Variants in SMAD7 observed in about 807,000 individuals in gnomAD.
The protein encoded by SMAD7 is MAD (mothers against decapentaplegic, Drosophila) homolog 7.
Under a neutral mutation model 38.7 loss-of-function variants are expected in SMAD7, and 8 were observed. The observed-to-expected ratio is 0.21, with a 90% CI of 0.12 to 0.37. SMAD7 has a LOEUF of 0.37. SMAD7 is among the 10% of genes least tolerant of loss of function. The pLI is 1.00. For synonymous variants in SMAD7, 327 were observed against 265.1 expected (o/e 1.23, Z -2.27); for missense variants, 477 against 577.9 (o/e 0.83, Z 1.79).
intron 2 of SMAD7, among the ~76,000 whole-genome samples, chr18:48,945,324 T>TGGTGACGGGCAC (rs1351477161): frequency 6.6e-6 from 1 of 152,112 alleles, no homozygotes; most frequent in Non-Finnish European, 1.5e-5. Context: ...TAGCTGGGCA[T>TGGTGACGGGCAC]GGTGACGGGC....
intron 3 of SMAD7, among the ~76,000 whole-genome samples, chr18:48,925,440 C>CCG (rs1568298116): frequency 6.6e-6 from 1 of 150,460 alleles, no homozygotes; most frequent in Non-Finnish European, 1.5e-5. Flanking sequence ...TTGCCCCCCC[C>CCG]CAACCTTCCC....
At position 48,950,425 on chromosome 18, in the gene SMAD7, GC is replaced by G; in HGVS notation, c.-2del. 6.5e-7 allele frequency: 1 copy of G among 1,548,204 alleles called. No individual in the cohort carries two copies. The highest frequency in any genetic ancestry group is 8.7e-7 in the Non-Finnish European group (1 of 1,149,382). On this transcript the variant is annotated 5_prime_UTR_variant, in exon 1 of 4. Coordinates refer to ENST00000262158, the MANE Select transcript of SMAD7 (RefSeq NM_005904.4). ...GCGCAGATCGTTTGGTCCTGAACAT[GC>G]GGGGCGAGGAGGCGAGGAGAAAAGT...
intron 3 of SMAD7, among the ~76,000 whole-genome samples, chr18:48,928,123 T>C (rs2143768749): frequency 6.6e-6 from 1 of 152,290 alleles, no homozygotes; most frequent in Middle Eastern, 3.4e-3. Context: ...GATACGGCTT[T>C]TTTGCCAGCA....
In SMAD7 at chr18:48,950,397, C is replaced by T; in HGVS notation, c.28G>A (p.Val10Ile). 5 of 1,548,504 alleles carry T rather than the reference C, an allele frequency of 3.2e-6. No homozygotes were observed. The highest frequency in any genetic ancestry group is 4.4e-6 in the Non-Finnish European group (5 of 1,148,584). Residue 10 changes from valine (V) to isoleucine (I), a missense_variant, in exon 1 of 4, where the codon GTC becomes ATC. Physicochemically the swap from Val to Ile is conservative, Grantham distance 29. This residue lies in a region of SMAD7 where 376 missense variants were observed against 379.4 expected (regional missense o/e 0.99). Transcript: ENST00000262158. ...GCACGGCTCCTCCAGAGACGCCGGA[C>T]GAGCGCAGATCGTTTGGTCCTGAAC... MFRTKRSAL[V>I]RRLWRSRAPG...
At chr18:48,946,515 A>G (rs571258976) in intron 2 of SMAD7, among the ~76,000 whole-genome samples, 5 of 152,050 alleles carry the variant, frequency 3.3e-5, no homozygotes, top group Non-Finnish European at 7.4e-5. Context: ...TCTATTACTG[A>G]TGCTAAATTC....
chr18:48,940,188 G>C (rs140053304), intron 3 of SMAD7, among the ~76,000 whole-genome samples: 2 of 152,130 alleles, frequency 1.3e-5, no homozygotes, highest in East Asian at 3.9e-4. Context: ...AACTCTGAAC[G>C]GAAAGAAGAA....
chr18:48,940,526 G>A (rs977898961), intron 3 of SMAD7, among the ~76,000 whole-genome samples: 1 of 151,958 alleles, frequency 6.6e-6, no homozygotes, highest in African/African-American at 2.4e-5. Flanking sequence ...AAGGGTGGGT[G>A]GATCATCCGA....
At chr18:48,924,913 A>G (rs530747569) in intron 3 of SMAD7, among the ~76,000 whole-genome samples, 1 of 152,350 alleles carries the variant, frequency 6.6e-6, no homozygotes, top group East Asian at 1.9e-4. Context: ...CATTGCCACT[A>G]CAGAGATTCC....
At chr18:48,927,640 A>G (rs563601402) in intron 3 of SMAD7, among the ~76,000 whole-genome samples, 69 of 152,278 alleles carry the variant, frequency 4.5e-4, no homozygotes, top group Middle Eastern at 3.4e-3. Flanking sequence ...ATTTGATGCA[A>G]AAGTGATTGG....
chr18:48,945,502 C>A (rs866837545), intron 2 of SMAD7, among the ~76,000 whole-genome samples: 6 of 152,138 alleles, frequency 3.9e-5, no homozygotes, highest in Non-Finnish European at 4.4e-5. Flanking sequence ...CCTCAAATTT[C>A]TAGGTAGGCA....
chr18:48,950,151 G>T lies in SMAD7; in HGVS notation c.274C>A (p.Leu92Met). The T allele has an allele frequency of 6.7e-7, 1 of 1,493,556 alleles. No individual in the cohort carries two copies. Among genetic ancestry groups the T allele is most frequent in the Non-Finnish European group, 8.9e-7 (1 of 1,126,312 alleles). The allele number at this position is 1,493,556 out of a possible 1,614,324, so 92.5% of individuals were successfully genotyped here. A position where few individuals can be genotyped will look rare whatever the true frequency, so the allele number is the denominator to read the frequency against. The change falls in exon 1 of 4, where the codon CTG becomes ATG. Residue 92 changes from leucine to methionine, a missense_variant. By Grantham distance (15) the Leu-to-Met change is conservative. This residue lies in a region of SMAD7 where 376 missense variants were observed against 379.4 expected (regional missense o/e 0.99). Coordinates refer to ENST00000262158, the MANE Select transcript of SMAD7 (RefSeq NM_005904.4). Reference protein sequence around the residue: ...AGAAGGAEADLKALTHSVLKK... With the variant: ...AGAAGGAEADMKALTHSVLKK... ...AGCACCGAGTGCGTGAGCGCCTTCA[G>T]ATCCGCCTCGGCGCCCCCGGCCGCG...
At chr18:48,941,858 C>A (rs917579480) in intron 3 of SMAD7, among the ~76,000 whole-genome samples, 4 of 152,146 alleles carry the variant, frequency 2.6e-5, no homozygotes, top group African/African-American at 9.7e-5. Flanking sequence ...GCATTCCAGG[C>A]CTTCACGCAT....
chr18:48,924,626 CTGCTG>C (rs2069903799), intron 3 of SMAD7, among the ~76,000 whole-genome samples: 2 of 152,172 alleles, frequency 1.3e-5, no homozygotes, highest in Admixed American at 1.3e-4. Flanking sequence ...GTCGTGAATG[CTGCTG>C]TGTGTGAACA....
At chr18:48,922,487 AG>A (rs2069873900) in intron 3 of SMAD7, among the ~76,000 whole-genome samples, 1 of 145,922 alleles carries the variant, frequency 6.9e-6, no homozygotes. Context: ...CTCTCAAATC[AG>A]TGCCGTGGTC....
intron 3 of SMAD7, among the ~76,000 whole-genome samples, chr18:48,926,848 G>C (rs1477176124): frequency 2.0e-5 from 3 of 152,194 alleles, no homozygotes; most frequent in Non-Finnish European, 4.4e-5. Context: ...GAAATTGGCT[G>C]TTCTGATATC....
intron 3 of SMAD7, among the ~76,000 whole-genome samples, chr18:48,935,237 G>T (rs2070050983): frequency 6.6e-6 from 1 of 152,196 alleles, no homozygotes; most frequent in South Asian, 2.1e-4. Flanking sequence ...TCAGGTGAGT[G>T]TTGCTTTCTT....
chr18:48,924,706 G>C (rs147694726), intron 3 of SMAD7, among the ~76,000 whole-genome samples: 15 of 152,144 alleles, frequency 9.9e-5, no homozygotes, highest in Non-Finnish European at 1.9e-4. Context: ...CTCCTCCCTC[G>C]CTGTCCCCTC....
At chr18:48,932,438 T>C (rs1002575730) in intron 3 of SMAD7, among the ~76,000 whole-genome samples, 1 of 152,202 alleles carries the variant, frequency 6.6e-6, no homozygotes, top group South Asian at 2.1e-4. Flanking sequence ...TTATCTGAGT[T>C]GTCTTCTGGC....
rs2069845242 is a variant in SMAD7 at position 48,920,638 on chromosome 18, G to C, written c.*734C>G. On this transcript the variant is annotated 3_prime_UTR_variant, in exon 4 of 4. Coordinates refer to ENST00000262158, the MANE Select transcript of SMAD7 (RefSeq NM_005904.4). The stretch of plus-strand genomic sequence containing the variant: ...ATCTCAGGGAGATCCAGGAGCAGAT[G>C]GCCAAAAAAGAAAGACGCTACAATG... 1 of 152,536 alleles carries C rather than the reference G, an allele frequency of 6.6e-6. No individual in the cohort carries two copies. The highest frequency in any genetic ancestry group is 2.1e-4 in the South Asian group (1 of 4,838). The allele number at this position is 152,536 out of a possible 1,614,324, so 9.4% of individuals were successfully genotyped here.
Sources: allele counts gnomAD v4.1 joint callset (sites outside exome capture counted in the v4.1 genomes callset), GRCh38; gene constraint gnomAD v4.1.1; regional missense constraint gnomAD v4.1.1; transcripts MANE v1.5; gene names NCBI Gene and HGNC (gene_info 2026-07-23, HGNC 2026-07-21).